Variants in PAPPA2 observed in about 807,000 individuals in gnomAD.
The protein encoded by PAPPA2 is pappalysin-2.
Under a neutral mutation model 176.4 loss-of-function variants are expected in PAPPA2, and 86 were observed. The observed-to-expected ratio is 0.49, with a 90% CI of 0.41 to 0.58. The LOEUF is 0.58. PAPPA2 is among the 20% of genes least tolerant of loss of function. PAPPA2 has a pLI of 0.00. For synonymous variants in PAPPA2, 809 were observed against 852.2 expected (o/e 0.95, Z 0.88); for missense variants, 2,073 against 2,256.9 (o/e 0.92, Z 1.65).
intron 4 of PAPPA2, among the ~76,000 whole-genome samples, chr1:176,689,494 G>A (rs1357400481): frequency 6.6e-6 from 1 of 151,962 alleles, no homozygotes; most frequent in Non-Finnish European, 1.5e-5. Flanking sequence ...TTGAGAGTAG[G>A]GATTATTAAA....
At chr1:176,778,563 C>T (rs1664564131) in intron 17 of PAPPA2, among the ~76,000 whole-genome samples, 1 of 152,084 alleles carries the variant, frequency 6.6e-6, no homozygotes, top group South Asian at 2.1e-4. Flanking sequence ...CTAAGGCAAG[C>T]TAAAACTCAT....
intron 15 of PAPPA2, among the ~76,000 whole-genome samples, chr1:176,766,919 T>G (rs1183489042): frequency 4.6e-5 from 7 of 152,032 alleles, no homozygotes; most frequent in African/African-American, 9.7e-5. Context: ...TTTTTTTTTT[T>G]TGTGCCAATT....
At chr1:176,554,076 A>G (rs1210266313) in intron 1 of PAPPA2, among the ~76,000 whole-genome samples, 2 of 152,142 alleles carry the variant, frequency 1.3e-5, no homozygotes, top group Non-Finnish European at 2.9e-5. Context: ...GCCTGAGTTG[A>G]TATCTTCTTG....
intron 14 of PAPPA2, among the ~76,000 whole-genome samples, chr1:176,748,380 C>A (rs1663018649): frequency 6.6e-6 from 1 of 152,122 alleles, no homozygotes. Context: ...ATAGAAATTC[C>A]CCAGCTCTTG....
At chr1:176,607,475 G>A (rs1236424189) in intron 3 of PAPPA2, among the ~76,000 whole-genome samples, 4 of 152,124 alleles carry the variant, frequency 2.6e-5, no homozygotes, top group Admixed American at 6.5e-5. Context: ...GACTTTCTGT[G>A]TCTGAGTTAG....
Position 176,750,412 on chromosome 1 carries a change from C to G in PAPPA2, c.4151+10216C>G, listed in dbSNP as rs1663111767. Among the ~76,000 whole-genome samples, 2 of 152,096 alleles carry G rather than the reference C, an allele frequency of 1.3e-5. 1 individual carries two copies. Among genetic ancestry groups the G allele is most frequent in the Non-Finnish European group, 2.9e-5 (2 of 68,028 alleles). The stretch of plus-strand genomic sequence containing the variant: ...CTGAGTTCAGGAGTTTGAGACCAGG[C>G]TGGCCAACATGGTGAAACCCTATCT... On this transcript the variant is annotated intron_variant, in intron 14 of 22. Transcript: ENST00000367662.
At chr1:176,678,283 G>A (rs1659407387) in intron 4 of PAPPA2, among the ~76,000 whole-genome samples, 1 of 152,064 alleles carries the variant, frequency 6.6e-6, no homozygotes, top group Non-Finnish European at 1.5e-5. Context: ...TTTAATAGTA[G>A]CAAAGAGAGT....
At chr1:176,674,850 A>T (rs979930072) in intron 4 of PAPPA2, among the ~76,000 whole-genome samples, 1 of 151,264 alleles carries the variant, frequency 6.6e-6, no homozygotes, top group Non-Finnish European at 1.5e-5. Flanking sequence ...AGGGATCTCC[A>T]TACTGTTTTT....
intron 4 of PAPPA2, among the ~76,000 whole-genome samples, chr1:176,685,066 TGGTCA>T (rs963829081): frequency 6.7e-6 from 1 of 150,158 alleles, no homozygotes; most frequent in Non-Finnish European, 1.5e-5. Flanking sequence ...GTCCAATTTA[TGGTCA>T]GGCCCCACCT....
chr1:176,726,943 C>T (rs1255985019), intron 12 of PAPPA2, among the ~76,000 whole-genome samples: 1 of 152,074 alleles, frequency 6.6e-6, no homozygotes, highest in African/African-American at 2.4e-5. Context: ...AAGGACAAGG[C>T]GGTTCAAAGT....
At chr1:176,531,312 A>G (rs1649793107) in intron 1 of PAPPA2, among the ~76,000 whole-genome samples, 1 of 152,206 alleles carries the variant, frequency 6.6e-6, no homozygotes, top group African/African-American at 2.4e-5. Context: ...GTATTGTATC[A>G]AAGTCCAAGG....
chr1:176,773,636 T>G lies in PAPPA2; in HGVS notation c.4715+2456T>G, dbSNP rs889055952. On this transcript the variant is annotated intron_variant, in intron 17 of 22. Coordinates refer to ENST00000367662, the MANE Select transcript of PAPPA2 (RefSeq NM_020318.3). ...TAATATGTGAAGTAGTAACTATTTC[T>G]ATCCAACAATGTTGTTTTGAGGCTG... 3.7e-4 allele frequency among the ~76,000 whole-genome samples: 57 copies of G among 152,336 alleles called. 1 individual carries two copies. The highest frequency in any genetic ancestry group is 3.5e-3 in the Admixed American group (53 of 15,294).
rs1256387866 is a variant in PAPPA2, at chr1:176,710,166, C to T, written c.3641C>T (p.Pro1214Leu). 3.7e-6 allele frequency: 6 copies of T among 1,613,234 alleles called. No individual in the cohort carries two copies. The South Asian group carries it at 5.5e-5, about 15-fold the overall frequency. Residue 1214 changes from proline (P) to leucine (L), a missense_variant, in exon 11 of 23, where the codon CCT (proline) becomes CTT (leucine). By Grantham distance (98) the Pro-to-Leu change is moderately conservative. Around this residue, in one of 4 missense-constraint regions of PAPPA2, gnomAD observed 846 missense variants for 857.9 expected, o/e 0.99. Transcript: ENST00000367662. ...KCPVSLVTGE[P>L]HSLICTSYHP... ...CCTGTTTCCTTGGTAACTGGAGAACCTCATTCCCTAGTAAGTTAAGCCAGA... is the reference window on the plus strand; with the variant it reads ...CCTGTTTCCTTGGTAACTGGAGAACTTCATTCCCTAGTAAGTTAAGCCAGA...
intron 21 of PAPPA2, among the ~76,000 whole-genome samples, chr1:176,831,261 G>A (rs1195463316): frequency 6.6e-6 from 1 of 152,082 alleles, no homozygotes; most frequent in Non-Finnish European, 1.5e-5. Flanking sequence ...TAGGGCAAAA[G>A]GTACCCAACA....
Position 176,789,916 on chromosome 1 carries a change from G to A in PAPPA2, c.4823G>A (p.Cys1608Tyr). The change falls in exon 18 of 23, where the codon TGT (cysteine) becomes TAT (tyrosine). Residue 1608 changes from cysteine (C) to tyrosine (Y), a missense_variant. This residue lies in a region of PAPPA2 where 846 missense variants were observed against 857.9 expected (regional missense o/e 0.99). Transcript: ENST00000367662. ...CCTGTGTTTGAAGGCATGTATGAAT[G>A]TACCAATGGCTTCAGCCTGGACAGC... is the stretch of plus-strand genomic sequence containing the variant. Reference protein sequence around the residue: ...PPPVFEGMYECTNGFSLDSQC... With the variant: ...PPPVFEGMYEYTNGFSLDSQC... 1 of 1,614,168 alleles carries A rather than the reference G, an allele frequency of 6.2e-7. No homozygotes were observed. Among genetic ancestry groups the A allele is most frequent in the Non-Finnish European group, 8.5e-7 (1 of 1,180,006 alleles).
intron 3 of PAPPA2, among the ~76,000 whole-genome samples, chr1:176,642,654 A>G (rs1657165206): frequency 6.6e-6 from 1 of 151,998 alleles, no homozygotes; most frequent in Non-Finnish European, 1.5e-5. Context: ...TAATGAGCCC[A>G]TGATATTTAA....
rs191519115 is a variant in PAPPA2 at position 176,699,126 on chromosome 1, G to C, written c.2773G>C (p.Glu925Gln). 10 of 1,613,606 alleles carry C rather than the reference G, an allele frequency of 6.2e-6. No individual in the cohort carries two copies. The African/African-American group carries it at 1.2e-4, about 19-fold the overall frequency. Residue 925 changes from glutamate (E) to glutamine (Q), a missense_variant, in exon 8 of 23, where the codon GAG (glutamate) becomes CAG (glutamine). Coordinates refer to ENST00000367662, the MANE Select transcript of PAPPA2 (RefSeq NM_020318.3). Reference sequence around the variant, plus strand: ...GCCTCCTGATGTGGATCAGCCCTGCGAGCCAAGCTTACAGGCCTGGAGCCC... The same window carrying C: ...GCCTCCTGATGTGGATCAGCCCTGCCAGCCAAGCTTACAGGCCTGGAGCCC... ...VGPPDVDQPC[E>Q]PSLQAWSPEV...
intron 3 of PAPPA2, among the ~76,000 whole-genome samples, chr1:176,642,331 G>C (rs1657146037): frequency 6.6e-6 from 1 of 151,678 alleles, no homozygotes; most frequent in Non-Finnish European, 1.5e-5. Context: ...TTCTTTTTCT[G>C]TATTCTAAGT....
At chr1:176,750,849 A>G (rs1663140777) in intron 14 of PAPPA2, among the ~76,000 whole-genome samples, 3 of 152,302 alleles carry the variant, frequency 2.0e-5, no homozygotes, top group East Asian at 3.9e-4. Flanking sequence ...GCATTGTGTT[A>G]TTATATGGTC....
Sources: allele counts gnomAD v4.1 joint callset (sites outside exome capture counted in the v4.1 genomes callset), GRCh38; gene constraint gnomAD v4.1.1; regional missense constraint gnomAD v4.1.1; transcripts MANE v1.5; gene names NCBI Gene and HGNC (gene_info 2026-07-23, HGNC 2026-07-21).